Variants in PTPN9 observed in about 807,000 individuals in gnomAD.
PTPN9 encodes protein tyrosine phosphatase non-receptor type 9.
In PTPN9, 26 loss-of-function variants were observed where a neutral mutation model predicts 69.8. The ratio of observed to expected loss-of-function variants is 0.37; its 90% CI spans 0.27 to 0.52. The LOEUF (loss-of-function observed/expected upper bound fraction) is 0.52, where lower values mean the gene tolerates loss of function less well. Ranked by LOEUF, PTPN9 falls within the 20% of genes least tolerant of loss-of-function variation. PTPN9 has a pLI of 0.91. For missense variants in PTPN9, 549 were observed against 740.3 expected, an observed-to-expected ratio of 0.74 and a Z score of 3.00; for synonymous variants, 274 against 272.5, an observed-to-expected ratio of 1.01 and a Z score of -0.05.
At chr15:75,490,916 C>T (rs1385614683) in intron 7 of PTPN9, among the ~76,000 whole-genome samples, 4 of 152,152 alleles carry the variant, frequency 2.6e-5, no homozygotes, top group Admixed American at 1.3e-4. Context: ...TGAGCCACTG[C>T]GCCCTGCCTA....
At chr15:75,522,348 C>T (rs2074909047) in intron 4 of PTPN9, among the ~76,000 whole-genome samples, 2 of 151,912 alleles carry the variant, frequency 1.3e-5, no homozygotes, top group East Asian at 3.9e-4. Flanking sequence ...TGGGCTTCTC[C>T]CTGAATGTTT....
intron 1 of PTPN9, among the ~76,000 whole-genome samples, chr15:75,568,399 T>C (rs974391205): frequency 2.0e-5 from 3 of 151,444 alleles, no homozygotes; most frequent in Non-Finnish European, 4.4e-5. Flanking sequence ...TCCCAGCTTC[T>C]TGGGAGGCTG....
chr15:75,513,873 T>C (rs2074855328), intron 5 of PTPN9, among the ~76,000 whole-genome samples: 1 of 151,702 alleles, frequency 6.6e-6, no homozygotes, highest in African/African-American at 2.4e-5. Context: ...CCAAGGCTAG[T>C]GGATCACCTG....
chr15:75,567,482 G>A lies in PTPN9; in HGVS notation c.63+11232C>T, dbSNP rs551046457. On this transcript the variant is annotated intron_variant, in intron 1 of 12. Transcript: ENST00000618819. ...AGCAATGAACAAGTAACTAATGGATGAACATCCCCAAACACTTCAGTCCTA... is the reference window on the plus strand; with the variant it reads ...AGCAATGAACAAGTAACTAATGGATAAACATCCCCAAACACTTCAGTCCTA... 2.5e-3 allele frequency among the ~76,000 whole-genome samples: 383 copies of A among 152,282 alleles called. 11 individuals are homozygous for A. The highest frequency in any genetic ancestry group is 2.9e-4 in the Non-Finnish European group (20 of 68,032).
chr15:75,504,065 C>T (rs2074796158), intron 7 of PTPN9, among the ~76,000 whole-genome samples: 1 of 122,476 alleles, frequency 8.2e-6, no homozygotes, highest in East Asian at 2.7e-4. Flanking sequence ...GCCGACCCGT[C>T]CGGGAGGGAG....
intron 1 of PTPN9, among the ~76,000 whole-genome samples, chr15:75,564,934 T>C (rs2075120323): frequency 6.6e-6 from 1 of 151,622 alleles, no homozygotes; most frequent in Non-Finnish European, 1.5e-5. Context: ...AAACCCCGTC[T>C]CTACTAAAAA....
Position 75,546,506 on chromosome 15 carries a change from G to T in PTPN9, c.64-19245C>A, listed in dbSNP as rs182775590. On this transcript the variant is annotated intron_variant, in intron 1 of 12. Coordinates refer to ENST00000618819, the MANE Select transcript of PTPN9 (RefSeq NM_002833.4). ...AAAGCATAAAAAATAAGCCAGGCAT[G>T]GTGGCACATGCCTGTACTCCCAGCT... Among the ~76,000 whole-genome samples the T allele has an allele frequency of 3.3e-5, 5 of 152,192 alleles. No homozygotes were observed. In the East Asian group the frequency reaches 9.7e-4, roughly 29 times the overall value.
intron 7 of PTPN9, among the ~76,000 whole-genome samples, chr15:75,503,725 G>T (rs1595954955): frequency 2.2e-5 from 3 of 134,964 alleles, no homozygotes; most frequent in South Asian, 4.8e-4. Context: ...GGAGGTGGGG[G>T]AGTCAGCCCC....
At chr15:75,539,243 G>T (rs563427772) in intron 1 of PTPN9, among the ~76,000 whole-genome samples, 2 of 145,752 alleles carry the variant, frequency 1.4e-5, no homozygotes, top group East Asian at 4.3e-4. Flanking sequence ...CACTGTGCCC[G>T]GCCAGTGATT....
chr15:75,537,776 A>AAAAAAAAAAAAAAAAAAAG, intron 1 of PTPN9, among the ~76,000 whole-genome samples: 1 of 142,274 alleles, frequency 7.0e-6, no homozygotes, highest in African/African-American at 2.6e-5. Context: ...AAAAAAAAAA[A>AAAAAAAAAAAAAAAAAAAG]GGCCAGGCGT....
intron 1 of PTPN9, among the ~76,000 whole-genome samples, chr15:75,565,109 TATAATAATA>T (rs200204488): frequency 0.016 from 2,238 of 141,774 alleles, 30 homozygotes; most frequent in African/African-American, 0.023. Flanking sequence ...TCAAAAAATA[TATAATAATA>T]ATAATAATAA....
chr15:75,543,592 G>A (rs532832673), intron 1 of PTPN9, among the ~76,000 whole-genome samples: 2 of 152,258 alleles, frequency 1.3e-5, no homozygotes, highest in East Asian at 3.9e-4. Flanking sequence ...AAATTACTCT[G>A]GAAGAATAAA....
chr15:75,468,996 G>C lies in PTPN9; in HGVS notation c.1568-13C>G. 6.2e-7 allele frequency: 1 copy of C among 1,601,586 alleles called. No homozygotes were observed. The highest frequency in any genetic ancestry group is 1.1e-5 in the South Asian group (1 of 90,708). ...GAGCAGAAGGTACCTGAAGAAGGAA[G>C]GAAGTGATCACATCTGGTTTACCTC... On this transcript the variant is annotated splice_polypyrimidine_tract_variant and intron_variant, in intron 12 of 12. Transcript: ENST00000618819.
At chr15:75,537,163 C>T (rs1032187033) in intron 1 of PTPN9, among the ~76,000 whole-genome samples, 2 of 150,426 alleles carry the variant, frequency 1.3e-5, no homozygotes, top group Admixed American at 1.3e-4. Flanking sequence ...ACCAGCCTGA[C>T]CAATATGGCA....
At chr15:75,537,703 C>T (rs865908282) in intron 1 of PTPN9, among the ~76,000 whole-genome samples, 4 of 131,882 alleles carry the variant, frequency 3.0e-5, no homozygotes, top group Non-Finnish European at 6.2e-5. Context: ...TGCAGTGAGC[C>T]GAGATGGTGC....
intron 8 of PTPN9, among the ~76,000 whole-genome samples, chr15:75,480,421 G>A (rs1331612873): frequency 2.6e-5 from 4 of 152,066 alleles, no homozygotes; most frequent in South Asian, 2.1e-4. Flanking sequence ...TGGCTAACAC[G>A]GCGAAACCCT....
intron 7 of PTPN9, among the ~76,000 whole-genome samples, chr15:75,494,131 CAT>C (rs71140166): frequency 0.021 from 3,064 of 143,380 alleles, 43 homozygotes; most frequent in African/African-American, 0.044. Context: ...TTATCAATCC[CAT>C]ATATATATAT....
At chr15:75,493,413 GA>G (rs1346718544) in intron 7 of PTPN9, among the ~76,000 whole-genome samples, 1 of 151,922 alleles carries the variant, frequency 6.6e-6, no homozygotes, top group African/African-American at 2.4e-5. Flanking sequence ...AGATAAAAGA[GA>G]AAGTTGAGGA....
intron 1 of PTPN9, among the ~76,000 whole-genome samples, chr15:75,568,068 C>G (rs2075134018): frequency 6.6e-6 from 1 of 151,882 alleles, no homozygotes; most frequent in South Asian, 2.1e-4. Flanking sequence ...AAAATCATCT[C>G]TAATCTACTG....
Sources: gnomAD v4.1 joint callset for allele counts (sites outside exome capture counted in the v4.1 genomes callset) on GRCh38, gnomAD v4.1.1 for gene constraint, MANE v1.5 for transcripts, NCBI Gene and HGNC (gene_info 2026-07-23, HGNC 2026-07-21) for gene names.